Variants in PEX11G observed in about 807,000 individuals in gnomAD.
The protein encoded by PEX11G is peroxisomal biogenesis factor 11 gamma.
In PEX11G, 20 loss-of-function variants were observed where a neutral mutation model predicts 22.5. That is an observed-to-expected ratio of 0.89 (90% CI 0.62 to 1.29). PEX11G has a LOEUF of 1.29. Ranked by LOEUF, PEX11G falls within the 50% of genes most tolerant of loss-of-function variation. The probability of loss-of-function intolerance (pLI) is 0.00; values close to 1 mark genes in which losing one functional copy is unlikely to be tolerated. For synonymous variants in PEX11G, 141 were observed against 154.5 expected (o/e 0.91, Z 0.65); for missense variants, 347 against 331.3 (o/e 1.05, Z -0.37).
chr19:7,481,051 C>G (rs1220825977), intron 3 of PEX11G, among the ~76,000 whole-genome samples: 1 of 152,142 alleles, frequency 6.6e-6, no homozygotes, highest in Non-Finnish European at 1.5e-5. Flanking sequence ...AAAGGCCACT[C>G]CGCTGGCTGC....
rs968978177 is a variant in PEX11G, at chr19:7,482,107, G to A, written c.354C>T (p.Leu118=). The A allele has an allele frequency of 1.2e-6, 2 of 1,602,674 alleles. No individual in the cohort carries two copies. Among genetic ancestry groups the A allele is most frequent in the African/African-American group, 2.7e-5 (2 of 74,670 alleles). The part of the protein sequence containing the change: ...HVAWAADARV[L]HVDSSRWWTL... ...TCCACCACCGAGAAGAGTCCACGTGGAGGACCCGGGCATCAGCCGCCCAGG... is the reference window on the plus strand; with the variant it reads ...TCCACCACCGAGAAGAGTCCACGTGAAGGACCCGGGCATCAGCCGCCCAGG... The change falls in exon 3 of 5, where the codon CTC becomes CTT. Residue 118 remains leucine (L), a synonymous_variant. Coordinates refer to ENST00000221480, the MANE Select transcript of PEX11G (RefSeq NM_080662.4).
At chr19:7,480,630 A>G (rs922826678) in intron 3 of PEX11G, among the ~76,000 whole-genome samples, 1 of 152,152 alleles carries the variant, frequency 6.6e-6, no homozygotes, top group African/African-American at 2.4e-5. Context: ...AGGTTTATCT[A>G]TTTTCCAGAT....
chr19:7,477,550 G>T, intron 4 of PEX11G, 114 bp from the exon 5 acceptor site: 1 of 877,430 alleles, frequency 1.1e-6, no homozygotes, highest in Non-Finnish European at 1.6e-6. Context: ...TGAGTGGGAG[G>T]AGCTGGCAGG....
intron 2 of PEX11G, among the ~76,000 whole-genome samples, chr19:7,484,057 G>A (rs145774986): frequency 2.0e-5 from 3 of 152,288 alleles, no homozygotes; most frequent in African/African-American, 7.2e-5. Context: ...TTTCTAGACC[G>A]ATAAGAAATG....
chr19:7,480,614 A>G (rs1201630676), intron 3 of PEX11G, among the ~76,000 whole-genome samples: 1 of 152,092 alleles, frequency 6.6e-6, no homozygotes, highest in East Asian at 1.9e-4. Flanking sequence ...CGAATCTTCT[A>G]CTCTGAGGTT....
At chr19:7,481,741 A>C (rs1161187015) in intron 3 of PEX11G, among the ~76,000 whole-genome samples, 1 of 152,224 alleles carries the variant, frequency 6.6e-6, no homozygotes, top group Non-Finnish European at 1.5e-5. Context: ...TCCAGAAGGC[A>C]TCAGCGCCTG....
Position 7,478,394 on chromosome 19 carries a change from G to A in PEX11G, c.429-18C>T, listed in dbSNP as rs367637562. 7.4e-5 allele frequency: 118 copies of A among 1,602,532 alleles called. No homozygotes were observed. Among genetic ancestry groups the A allele is most frequent in the Middle Eastern group, 5.1e-4 (3 of 5,874 alleles). On this transcript the variant is annotated intron_variant, in intron 3 of 4. Transcript: ENST00000221480. ...ACAGGGACCTGCAGCACCAGAGCCC[G>A]AGGGAGGATGCCCCGGCGGGGAGCA...
At chr19:7,484,127 G>T (rs1977637409) in intron 2 of PEX11G, among the ~76,000 whole-genome samples, 1 of 152,140 alleles carries the variant, frequency 6.6e-6, no homozygotes, top group Non-Finnish European at 1.5e-5. Context: ...AGGCGGGGCA[G>T]GTGGATCACT....
chr19:7,484,729 C>T (rs528103223), intron 2 of PEX11G, among the ~76,000 whole-genome samples: 3 of 151,164 alleles, frequency 2.0e-5, no homozygotes, highest in Non-Finnish European at 2.9e-5. Context: ...GCCGAGATCA[C>T]GCCACTGCAC....
At chr19:7,477,953 C>T (rs112455309) in intron 4 of PEX11G, among the ~76,000 whole-genome samples, 5,291 of 152,324 alleles carry the variant, frequency 0.035, 127 homozygotes, top group East Asian at 0.11. Context: ...GCCCAGGAGG[C>T]AGAGGCTGCA....
upstream of PEX11G, chr19:7,489,366 G>A (rs563990098): frequency 1.3e-5 from 14 of 1,067,902 alleles, no homozygotes; most frequent in African/African-American, 2.3e-4. Flanking sequence ...AGTGGTTCAA[G>A]GAGAGATTTT....
intron 2 of PEX11G, 100 bp downstream of exon 2, chr19:7,485,738 G>A: frequency 9.0e-7 from 1 of 1,107,936 alleles, no homozygotes. Context: ...CAAAGTGCTG[G>A]GATTACAAGC....
intron 1 of PEX11G, among the ~76,000 whole-genome samples, chr19:7,494,250 G>A (rs1249358175): frequency 6.6e-6 from 1 of 152,192 alleles, no homozygotes; most frequent in Non-Finnish European, 1.5e-5. Flanking sequence ...AGCCAAGCCA[G>A]CTGCAGTGGC....
chr19:7,478,260 C>G, intron 4 of PEX11G, 54 bp downstream of exon 4: 1 of 1,579,192 alleles, frequency 6.3e-7, no homozygotes, highest in South Asian at 1.1e-5. Context: ...GAGCCGGGAT[C>G]CCACGCCTGC....
At chr19:7,494,340 C>T (rs1253794209) in intron 1 of PEX11G, among the ~76,000 whole-genome samples, 2 of 152,034 alleles carry the variant, frequency 1.3e-5, no homozygotes, top group Admixed American at 6.6e-5. Flanking sequence ...TGCAGTGAAC[C>T]GAGATCACGC....
intron 2 of PEX11G, among the ~76,000 whole-genome samples, chr19:7,484,424 A>T (rs1340166094): frequency 6.6e-6 from 1 of 152,030 alleles, no homozygotes; most frequent in Admixed American, 6.6e-5. Context: ...TGTTTATGTA[A>T]ACCATATGTA....
intron 3 of PEX11G, among the ~76,000 whole-genome samples, chr19:7,479,033 G>C (rs1007924604): frequency 6.6e-6 from 1 of 152,220 alleles, no homozygotes; most frequent in Non-Finnish European, 1.5e-5. Context: ...GTGCCGGGTT[G>C]TGACTGTGAC....
chr19:7,478,932 TC>T (rs992549754), intron 3 of PEX11G, among the ~76,000 whole-genome samples: 1 of 152,122 alleles, frequency 6.6e-6, no homozygotes, highest in African/African-American at 2.4e-5. Context: ...GTGGGCAGCC[TC>T]TGTGCTCCCA....
At position 7,482,113 on chromosome 19, in the gene PEX11G, C is replaced by T. The variant is rs1599213404; in HGVS notation, c.348G>A (p.Arg116=). 6.2e-7 allele frequency: 1 copy of T among 1,601,430 alleles called. No individual in the cohort carries two copies. The highest frequency in any genetic ancestry group is 1.3e-5 in the African/African-American group (1 of 74,600). Residue 116 remains arginine (R), a synonymous_variant, in exon 3 of 5, where the codon CGG becomes CGA. Transcript: ENST00000221480. The part of the protein sequence containing the change: ...CEHVAWAADA[R]VLHVDSSRWW... ...ACCGAGAAGAGTCCACGTGGAGGAC[C>T]CGGGCATCAGCCGCCCAGGCCACGT...
Sources: allele counts gnomAD v4.1 joint callset (sites outside exome capture counted in the v4.1 genomes callset), GRCh38; gene constraint gnomAD v4.1.1; transcripts MANE v1.5; gene names NCBI Gene and HGNC (gene_info 2026-07-23, HGNC 2026-07-21).